The following COL10A1 variants were observed in gnomAD, a reference collection of about 807,000 sequenced individuals.
The protein encoded by COL10A1 is collagen alpha-1(X) chain.
COL10A1 carries 10 observed loss-of-function variants against 18.2 expected under a neutral mutation model. The ratio of observed to expected loss-of-function variants is 0.55; its 90% CI spans 0.34 to 0.93. COL10A1 has a LOEUF of 0.93. Ranked by LOEUF, COL10A1 falls within the 40% of genes least tolerant of loss-of-function variation. The pLI, the probability that COL10A1 is intolerant of heterozygous loss-of-function variation, is 0.02. For missense variants in COL10A1, 897 were observed against 853.5 expected (o/e 1.05, Z -0.64); for synonymous variants, 330 against 316.6 (o/e 1.04, Z -0.45).
the COL10A1 span, among the ~76,000 whole-genome samples, chr6:116,173,161 G>A: frequency 3.3e-5 from 5 of 152,144 alleles, no homozygotes; most frequent in Non-Finnish European, 5.9e-5. Context: ...TAAAAACATT[G>A]TATGTGTCTA....
chr6:116,158,079 A>G (rs1562143205), intron 1 of COL10A1, among the ~76,000 whole-genome samples: 1 of 152,222 alleles, frequency 6.6e-6, no homozygotes, highest in African/African-American at 2.4e-5. Flanking sequence ...TCAAAAAGTC[A>G]ATTTCTCTGA....
the COL10A1 span, among the ~76,000 whole-genome samples, chr6:116,207,482 A>G: frequency 6.6e-6 from 1 of 151,888 alleles, no homozygotes; most frequent in Non-Finnish European, 1.5e-5. Context: ...TTTCATGCTT[A>G]CCGGGTAAAG....
chr6:116,160,840 G>A (rs1780309292), upstream of COL10A1, among the ~76,000 whole-genome samples: 1 of 151,824 alleles, frequency 6.6e-6, no homozygotes, highest in Non-Finnish European at 1.5e-5. Flanking sequence ...CCCATTACTG[G>A]GTATATACCC....
At chr6:116,140,102 C>T (rs1317839321) in intron 1 of COL10A1, among the ~76,000 whole-genome samples, 4 of 152,230 alleles carry the variant, frequency 2.6e-5, no homozygotes, top group East Asian at 3.9e-4. Flanking sequence ...GGTGGCAGAG[C>T]GGAGAGTTGA....
chr6:116,133,905 T>G (rs566697952), intron 1 of COL10A1, among the ~76,000 whole-genome samples: 2 of 152,328 alleles, frequency 1.3e-5, no homozygotes, highest in African/African-American at 4.8e-5. Flanking sequence ...ACTATAGAGA[T>G]ATAATAACCA....
chr6:116,143,187 A>G (rs1370559226), intron 1 of COL10A1, among the ~76,000 whole-genome samples: 1 of 152,044 alleles, frequency 6.6e-6, no homozygotes, highest in Non-Finnish European at 1.5e-5. Flanking sequence ...TAAAAGAGAT[A>G]GTACTACATT....
At chr6:116,211,313 C>G in the COL10A1 span, among the ~76,000 whole-genome samples, 1 of 151,982 alleles carries the variant, frequency 6.6e-6, no homozygotes. Context: ...TCAGTCAACC[C>G]TCAGAATCAG....
At chr6:116,177,876 G>C in the COL10A1 span, among the ~76,000 whole-genome samples, 1 of 152,112 alleles carries the variant, frequency 6.6e-6, no homozygotes, top group Non-Finnish European at 1.5e-5. Context: ...CAGGGAGGTT[G>C]GAAAGGAAAT....
At chr6:116,187,694 T>C in the COL10A1 span, among the ~76,000 whole-genome samples, 2 of 152,028 alleles carry the variant, frequency 1.3e-5, no homozygotes, top group African/African-American at 4.8e-5. Flanking sequence ...ACTCACATAT[T>C]AGACAAAAAT....
At chr6:116,151,781 C>A (rs1214940235) in intron 1 of COL10A1, among the ~76,000 whole-genome samples, 2 of 152,186 alleles carry the variant, frequency 1.3e-5, no homozygotes, top group East Asian at 3.9e-4. Context: ...AGCAAATAAA[C>A]TTTTTTTAAA....
intron 1 of COL10A1, among the ~76,000 whole-genome samples, chr6:116,156,570 A>G (rs1205587782): frequency 6.6e-6 from 1 of 152,246 alleles, no homozygotes; most frequent in Non-Finnish European, 1.5e-5. Context: ...AATTGCAGAT[A>G]TATGAAAGAA....
the COL10A1 span, among the ~76,000 whole-genome samples, chr6:116,209,564 T>C: frequency 1.3e-5 from 2 of 152,000 alleles, no homozygotes; most frequent in African/African-American, 4.8e-5. Flanking sequence ...AGAGTGGGTA[T>C]TGGGGAGGGC....
At chr6:116,215,104 C>G in the COL10A1 span, among the ~76,000 whole-genome samples, 1 of 152,116 alleles carries the variant, frequency 6.6e-6, no homozygotes, top group South Asian at 2.1e-4. Context: ...GAAATTATTG[C>G]TTTCCTGGTT....
At chr6:116,146,799 A>G (rs1329009770) in intron 1 of COL10A1, among the ~76,000 whole-genome samples, 2 of 152,044 alleles carry the variant, frequency 1.3e-5, no homozygotes, top group Non-Finnish European at 2.9e-5. Flanking sequence ...ATAGCATTTC[A>G]GATCAGTGGA....
chr6:116,171,359 T>C, the COL10A1 span, among the ~76,000 whole-genome samples: 100 of 152,334 alleles, frequency 6.6e-4, no homozygotes, highest in Non-Finnish European at 1.2e-3. Context: ...CCAGGAATTA[T>C]AAATAGACAC....
the COL10A1 span, among the ~76,000 whole-genome samples, chr6:116,190,732 T>C: frequency 1.3e-5 from 2 of 152,010 alleles, no homozygotes; most frequent in Admixed American, 6.6e-5. Context: ...TCTTGACAAC[T>C]GAACTGTGAG....
intron 1 of COL10A1, among the ~76,000 whole-genome samples, chr6:116,158,368 C>G (rs1434698345): frequency 6.7e-6 from 1 of 150,058 alleles, no homozygotes; most frequent in East Asian, 1.9e-4. Flanking sequence ...TCTTCAAATC[C>G]AGAAAAAAAA....
Position 116,131,878 on chromosome 6 carries a change from A to G in COL10A1, c.-15-6371T>C, listed in dbSNP as rs186355817. ...GTGTGTTGTTCCTCTCTATGTGTCC[A>G]TGGTTTCTTATCATTTAGCTCCTAC... is the stretch of plus-strand genomic sequence containing the variant. On this transcript the variant is annotated intron_variant, in intron 1 of 1. Coordinates refer to the COL10A1 transcript ENST00000418500. 6.1e-3 allele frequency among the ~76,000 whole-genome samples: 934 copies of G among 152,084 alleles called. 7 individuals carry two copies. The highest frequency in any genetic ancestry group is 0.031 in the Middle Eastern group (9 of 294).
Position 116,120,826 on chromosome 6 carries a change from C to T in COL10A1, c.1290G>A (p.Lys430=). ...CCTCTCCATTGTGTCCGGGCATTCC[C>T]TTTGCTCCTGCTGGGCCCACAGGGC... ...LPGPVGPAGA[K]GMPGHNGEAG... The change falls in exon 3 of 3, where the codon AAG becomes AAA. Residue 430 remains lysine (K), a synonymous_variant. Coordinates refer to ENST00000651968, the MANE Select transcript of COL10A1 (RefSeq NM_000493.4). 1.9e-6 allele frequency: 3 copies of T among 1,613,982 alleles called. No individual in the cohort carries two copies. The South Asian group carries it at 3.3e-5, about 18-fold the overall frequency.
Sources: gnomAD v4.1 joint callset for allele counts (sites outside exome capture counted in the v4.1 genomes callset) on GRCh38, gnomAD v4.1.1 for gene constraint, MANE v1.5 for transcripts, NCBI Gene and HGNC (gene_info 2026-07-23, HGNC 2026-07-21) for gene names.